The following VSTM5 variants were observed in gnomAD, a reference collection of about 807,000 sequenced individuals.
VSTM5 encodes V-set and transmembrane domain-containing protein 5.
In VSTM5, 21 loss-of-function variants were observed where a neutral mutation model predicts 20.3. The observed-to-expected ratio is 1.03, with a 90% CI of 0.73 to 1.49. The LOEUF (loss-of-function observed/expected upper bound fraction) is 1.49. Among genes scored for constraint, VSTM5 ranks in the 40% most tolerant of loss-of-function variants. The pLI, the probability that VSTM5 is intolerant of heterozygous loss-of-function variation, is 0.00. For missense variants in VSTM5, 219 were observed against 250.0 expected, an observed-to-expected ratio of 0.88 and a Z score of 0.84; for synonymous variants, 100 against 102.5, an observed-to-expected ratio of 0.98 and a Z score of 0.14.
At chr11:93,843,635 A>G (rs1944389215) in intron 1 of VSTM5, among the ~76,000 whole-genome samples, 1 of 152,208 alleles carries the variant, frequency 6.6e-6, no homozygotes, top group Admixed American at 6.5e-5. Flanking sequence ...GTAAGCAGTC[A>G]CAGTTATTAT....
At chr11:93,827,326 T>A (rs1944247012) in intron 1 of VSTM5, among the ~76,000 whole-genome samples, 2 of 152,208 alleles carry the variant, frequency 1.3e-5, no homozygotes, top group South Asian at 4.1e-4. Context: ...GACGTTGCAG[T>A]GAGCCGAGAT....
At chr11:93,845,390 G>T (rs1481940280) in intron 1 of VSTM5, among the ~76,000 whole-genome samples, 1 of 152,204 alleles carries the variant, frequency 6.6e-6, no homozygotes, top group African/African-American at 2.4e-5. Context: ...GTGTGTCTCA[G>T]CAGAGAGAAA....
At chr11:93,847,011 C>T (rs375809392) in intron 1 of VSTM5, among the ~76,000 whole-genome samples, 12 of 152,072 alleles carry the variant, frequency 7.9e-5, no homozygotes, top group African/African-American at 1.9e-4. Context: ...GTGATCCGCC[C>T]GGCTCGGCCT....
chr11:93,850,135 C>T (rs1378400293), intron 1 of VSTM5, among the ~76,000 whole-genome samples: 1 of 152,186 alleles, frequency 6.6e-6, no homozygotes, highest in Non-Finnish European at 1.5e-5. Context: ...AGGCCGGGCT[C>T]GCCGGGTGGG....
At chr11:93,830,892 A>G (rs1448842421) in intron 1 of VSTM5, among the ~76,000 whole-genome samples, 2 of 151,866 alleles carry the variant, frequency 1.3e-5, no homozygotes, top group African/African-American at 2.4e-5. Context: ...AGCTGGGACC[A>G]CAGGCGTATT....
chr11:93,849,251 TC>T (rs1247796581), intron 1 of VSTM5, among the ~76,000 whole-genome samples: 6 of 152,170 alleles, frequency 3.9e-5, no homozygotes, highest in Non-Finnish European at 8.8e-5. Flanking sequence ...GCTTAAGTGA[TC>T]CTTTCACCTC....
intron 1 of VSTM5, among the ~76,000 whole-genome samples, chr11:93,841,669 G>C (rs534130648): frequency 1.1e-4 from 17 of 152,344 alleles, no homozygotes; most frequent in Non-Finnish European, 2.4e-4. Flanking sequence ...TCAGGGCGAA[G>C]AGGACACCAA....
intron 1 of VSTM5, among the ~76,000 whole-genome samples, chr11:93,839,514 C>T (rs531075688): frequency 6.2e-4 from 95 of 152,332 alleles, no homozygotes; most frequent in Non-Finnish European, 1.3e-3. Context: ...GGAATAGCAA[C>T]GCCTGCTTTG....
chr11:93,831,815 T>C (rs1944286060), intron 1 of VSTM5, among the ~76,000 whole-genome samples: 1 of 152,208 alleles, frequency 6.6e-6, no homozygotes, highest in Non-Finnish European at 1.5e-5. Flanking sequence ...TATACAATAT[T>C]ATCACAGCCC....
intron 1 of VSTM5, among the ~76,000 whole-genome samples, chr11:93,826,461 G>A (rs867968560): frequency 2.0e-5 from 3 of 151,454 alleles, no homozygotes; most frequent in East Asian, 2.0e-4. Flanking sequence ...GCAGTGGCAC[G>A]ATCTCAGCTC....
intron 1 of VSTM5, among the ~76,000 whole-genome samples, chr11:93,832,176 A>G (rs1565301360): frequency 1.3e-5 from 2 of 152,224 alleles, no homozygotes; most frequent in Non-Finnish European, 2.9e-5. Context: ...CTGGTAAGGA[A>G]CCAGTTAAAT....
chr11:93,846,986 C>T (rs1458954799), intron 1 of VSTM5, among the ~76,000 whole-genome samples: 6 of 151,860 alleles, frequency 4.0e-5, no homozygotes, highest in Non-Finnish European at 1.5e-5. Flanking sequence ...AGGATGGTCT[C>T]GATCTCTTGA....
At chr11:93,841,569 G>C (rs370590933) in intron 1 of VSTM5, among the ~76,000 whole-genome samples, 1 of 152,156 alleles carries the variant, frequency 6.6e-6, no homozygotes, top group Non-Finnish European at 1.5e-5. Context: ...TGCAGGGCCC[G>C]GTCTCCAGTT....
At chr11:93,849,119 A>G (rs1944437072) in intron 1 of VSTM5, among the ~76,000 whole-genome samples, 1 of 152,036 alleles carries the variant, frequency 6.6e-6, no homozygotes, top group East Asian at 1.9e-4. Flanking sequence ...AGTTAACATA[A>G]TATTATTTTT....
chr11:93,825,634 C>G (rs1246823277), intron 1 of VSTM5, among the ~76,000 whole-genome samples: 1 of 152,146 alleles, frequency 6.6e-6, no homozygotes, highest in Non-Finnish European at 1.5e-5. Flanking sequence ...TCCTTTGTCA[C>G]TGTCTTACAG....
intron 1 of VSTM5, among the ~76,000 whole-genome samples, chr11:93,823,259 C>T (rs1944204920): frequency 6.6e-6 from 1 of 151,178 alleles, no homozygotes; most frequent in African/African-American, 2.4e-5. Context: ...TGGTCTTGGA[C>T]TCCTGGCCTC....
chr11:93,838,039 C>T (rs962666744), intron 1 of VSTM5, among the ~76,000 whole-genome samples: 5 of 152,106 alleles, frequency 3.3e-5, no homozygotes, highest in African/African-American at 4.8e-5. Flanking sequence ...AAAGGCCCTT[C>T]CCAATCCCTG....
At chr11:93,835,745 A>G (rs1237025551) in intron 1 of VSTM5, among the ~76,000 whole-genome samples, 1 of 152,174 alleles carries the variant, frequency 6.6e-6, no homozygotes, top group Admixed American at 6.5e-5. Context: ...CAACATCTTC[A>G]AAGATAAATT....
intron 1 of VSTM5, among the ~76,000 whole-genome samples, chr11:93,825,316 T>C (rs1051216743): frequency 6.6e-6 from 1 of 152,146 alleles, no homozygotes; most frequent in Non-Finnish European, 1.5e-5. Context: ...ACTATAGGTG[T>C]GCACCACCAC....
Sources: gnomAD v4.1 joint callset for allele counts (sites outside exome capture counted in the v4.1 genomes callset) on GRCh38, gnomAD v4.1.1 for gene constraint, MANE v1.5 for transcripts, NCBI Gene and HGNC (gene_info 2026-07-23, HGNC 2026-07-21) for gene names.